Variants in GDI2 observed in about 807,000 individuals in gnomAD.
GDI2 encodes the protein rab GDP dissociation inhibitor beta.
A neutral mutation model predicts 54.2 loss-of-function variants in GDI2; 22 were observed. The observed-to-expected ratio is 0.41, with a 90% CI of 0.29 to 0.58. GDI2 has a LOEUF of 0.58. Among genes scored for constraint, GDI2 ranks in the 20% least tolerant of loss-of-function variants. GDI2 has a pLI of 0.35. For synonymous variants in GDI2, 177 were observed against 182.1 expected, an observed-to-expected ratio of 0.97 and a Z score of 0.23; for missense variants, 422 against 546.0, an observed-to-expected ratio of 0.77 and a Z score of 2.26.
chr10:5,779,508 AAAT>A (rs968554777), intron 6 of GDI2, among the ~76,000 whole-genome samples: 3 of 151,686 alleles, frequency 2.0e-5, no homozygotes, highest in African/African-American at 4.8e-5. Context: ...GAAAAAAAAA[AAAT>A]AAGAAAAAAT....
rs770435891 is a variant in GDI2, at chr10:5,771,519, CA to C, written c.819+2322del. ...CTCTTCCAATGTGGCACAGGGAAGC[CA>C]AAAGGTTGGACATTAGTGAACTAAA... On this transcript the variant is annotated intron_variant, in intron 7 of 10. Coordinates refer to ENST00000380191, the MANE Select transcript of GDI2 (RefSeq NM_001494.4). Among the ~76,000 whole-genome samples the C allele has an allele frequency of 2.0e-4, 30 of 152,084 alleles. 1 individual carries two copies. The highest frequency in any genetic ancestry group is 3.7e-4 in the Non-Finnish European group (25 of 68,018).
At chr10:5,786,322 C>T (rs933978977) in intron 4 of GDI2, among the ~76,000 whole-genome samples, 1 of 152,038 alleles carries the variant, frequency 6.6e-6, no homozygotes, top group Non-Finnish European at 1.5e-5. Flanking sequence ...AGGCAACCGC[C>T]ATTACGCCCA....
intron 6 of GDI2, among the ~76,000 whole-genome samples, chr10:5,783,338 C>T (rs956200415): frequency 1.3e-5 from 2 of 151,616 alleles, no homozygotes; most frequent in African/African-American, 4.9e-5. Flanking sequence ...AATTTGAGTC[C>T]TTTTGTGTCT....
At chr10:5,785,108 T>G in intron 6 of GDI2, 34 bp downstream of exon 6, 2 of 1,513,052 alleles carry the variant, frequency 1.3e-6, no homozygotes, top group Non-Finnish European at 1.8e-6. Flanking sequence ...AGATGAGGTT[T>G]TGGATCACTG....
At chr10:5,781,730 T>C (rs1205129927) in intron 6 of GDI2, among the ~76,000 whole-genome samples, 6 of 151,044 alleles carry the variant, frequency 4.0e-5, no homozygotes, top group East Asian at 4.0e-4. Flanking sequence ...GTAACACTTC[T>C]AGGCCAGGCA....
chr10:5,785,539 C>G (rs1407041468), intron 5 of GDI2, among the ~76,000 whole-genome samples: 1 of 152,062 alleles, frequency 6.6e-6, no homozygotes, highest in African/African-American at 2.4e-5. Flanking sequence ...TACCGCCCAA[C>G]TAATTTTTGC....
In GDI2 at chr10:5,794,754, CAG is replaced by C; in HGVS notation, c.388+129_388+130del. On this transcript the variant is annotated intron_variant, in intron 4 of 10. Coordinates refer to ENST00000380191, the MANE Select transcript of GDI2 (RefSeq NM_001494.4). Reference sequence around the variant, plus strand: ...CTGATGTGTTCCCAACTGCCTAGAACAGTGTCTGGCACATGATAGACATTCAA... The same window carrying C: ...CTGATGTGTTCCCAACTGCCTAGAACTGTCTGGCACATGATAGACATTCAA... 8.8e-6 allele frequency: 6 copies of C among 681,634 alleles called. No individual in the cohort carries two copies. The Middle Eastern group carries it at 1.2e-3, about 138-fold the overall frequency. 42.2% of individuals were successfully genotyped at this position (681,634 alleles called of 1,614,324 possible).
At chr10:5,791,106 G>A (rs1564394973) in intron 4 of GDI2, among the ~76,000 whole-genome samples, 1 of 152,140 alleles carries the variant, frequency 6.6e-6, no homozygotes, top group African/African-American at 2.4e-5. Flanking sequence ...AACCTGGGCA[G>A]CATAGCAAGA....
intron 1 of GDI2, among the ~76,000 whole-genome samples, chr10:5,812,883 G>A (rs1295873421): frequency 6.6e-6 from 1 of 152,206 alleles, no homozygotes; most frequent in Non-Finnish European, 1.5e-5. Context: ...AAACCGGGGA[G>A]CGGGACCCTT....
chr10:5,778,309 ATAAT>A (rs1247509775), intron 6 of GDI2, among the ~76,000 whole-genome samples: 3 of 152,256 alleles, frequency 2.0e-5, no homozygotes, highest in Non-Finnish European at 4.4e-5. Flanking sequence ...TATGTTATGC[ATAAT>A]TAATCTATAA....
intron 1 of GDI2, among the ~76,000 whole-genome samples, chr10:5,808,711 A>C (rs1317391012): frequency 2.1e-5 from 2 of 95,378 alleles, no homozygotes; most frequent in African/African-American, 6.9e-5. Context: ...AAAAAAAAAA[A>C]AAAAAAACTA....
rs1175616236 is a variant in GDI2 at position 5,776,234 on chromosome 10, A to C, written c.720-2293T>G. On this transcript the variant is annotated intron_variant, in intron 6 of 10. Transcript: ENST00000380191. The surrounding 1 kb of genome is among the most constrained non-coding windows in gnomAD (Gnocchi z 5.3). ...TTCACTGGAATTGCAAAGGAATAGG[A>C]AACAGCGCCTCCTCATCCAAGACAG... The C allele has an allele frequency of 2.2e-6, 1 of 454,310 alleles. No homozygotes were observed. The highest frequency in any genetic ancestry group is 4.2e-6 in the Non-Finnish European group (1 of 237,712). The allele number at this position is 454,310 out of a possible 1,614,324, so 28.1% of individuals were successfully genotyped here.
chr10:5,800,597 C>A lies in GDI2; in HGVS notation c.153+1G>T. On this transcript the variant is annotated splice_donor_variant, in intron 2 of 10. Transcript: ENST00000380191. LOFTEE classifies it high-confidence loss of function. ...GCGTATGAAATTTGACTAACACTTA[C>A]ATCTTCCAATGGTGTTATAGATGCA... The A allele has an allele frequency of 7.2e-7, 1 of 1,397,620 alleles. No homozygotes were observed. The highest frequency in any genetic ancestry group is 2.3e-5 in the East Asian group (1 of 43,940). The allele number at this position is 1,397,620 out of a possible 1,614,324, so 86.6% of individuals were successfully genotyped here.
chr10:5,768,272 G>A lies in GDI2; in HGVS notation c.932C>T (p.Thr311Ile). ...GATCTGGCAGGAGTTGGCATCATTG[G>A]TGTTCTTGATGGGGTGGCTGAGGAT... is the stretch of plus-strand genomic sequence containing the variant. ...ICILSHPIKN[T>I]NDANSCQIII... Residue 311 changes from threonine (T) to isoleucine (I), a missense_variant, in exon 8 of 11, where the codon ACC (threonine) becomes ATC (isoleucine). By Grantham distance (89) the Thr-to-Ile change is moderately conservative. Transcript: ENST00000380191. This position sits in a 1 kb window ranked among gnomAD's most constrained non-coding sequence, Gnocchi z 4.4. The A allele has an allele frequency of 6.2e-7, 1 of 1,611,860 alleles. No homozygotes were observed. The highest frequency in any genetic ancestry group is 8.5e-7 in the Non-Finnish European group (1 of 1,177,912).
chr10:5,786,155 G>T, intron 4 of GDI2, 105 bp from the exon 5 acceptor site: 1 of 625,026 alleles, frequency 1.6e-6, no homozygotes, highest in Non-Finnish European at 2.8e-6. Flanking sequence ...ACTGCGGAAT[G>T]CAGGATGCAA....
intron 1 of GDI2, among the ~76,000 whole-genome samples, chr10:5,808,455 C>T (rs1176735156): frequency 6.6e-6 from 1 of 152,104 alleles, no homozygotes; most frequent in African/African-American, 2.4e-5. Flanking sequence ...AGGCAGATCA[C>T]CTGAGGTCAG....
Position 5,776,951 on chromosome 10 carries a change from G to A in GDI2, c.720-3010C>T. ...AATTAAAAGGGAAAACCACATAGAA[G>A]GGTAATCCCGGAAATGCTTCATCTG... On this transcript the variant is annotated intron_variant, in intron 6 of 10. Transcript: ENST00000380191. The surrounding 1 kb of genome is among the most constrained non-coding windows in gnomAD (Gnocchi z 5.3). 2 of 555,018 alleles carry A rather than the reference G, an allele frequency of 3.6e-6. No individual in the cohort carries two copies. The highest frequency in any genetic ancestry group is 3.1e-6 in the Non-Finnish European group (1 of 319,352). 34.4% of individuals were successfully genotyped at this position (555,018 alleles called of 1,614,324 possible). A position where few individuals can be genotyped will look rare whatever the true frequency, so the allele number is the denominator to read the frequency against.
chr10:5,786,449 G>T (rs968007744), intron 4 of GDI2, among the ~76,000 whole-genome samples: 1 of 151,992 alleles, frequency 6.6e-6, no homozygotes, highest in Non-Finnish European at 1.5e-5. Flanking sequence ...TTACAGGCAT[G>T]AGCCACCGCG....
intron 6 of GDI2, among the ~76,000 whole-genome samples, chr10:5,779,932 G>A (rs572777632): frequency 8.5e-4 from 129 of 151,968 alleles, no homozygotes; most frequent in African/African-American, 3.0e-3. Context: ...GGCTTCAAGC[G>A]ATCCACCCAC....
Sources: gnomAD v4.1 joint callset for allele counts (sites outside exome capture counted in the v4.1 genomes callset) on GRCh38, gnomAD v4.1.1 for gene constraint, Gnocchi (gnomAD v3.1) non-coding constraint, MANE v1.5 for transcripts, NCBI Gene and HGNC (gene_info 2026-07-23, HGNC 2026-07-21) for gene names.